Variants in TMEM117 observed in about 807,000 individuals in gnomAD.
The protein encoded by TMEM117 is transmembrane protein 117.
TMEM117 carries 27 observed loss-of-function variants against 52.4 expected under a neutral mutation model. The observed-to-expected ratio is 0.51, with a 90% CI of 0.38 to 0.71. The LOEUF (loss-of-function observed/expected upper bound fraction) is 0.71. TMEM117 is among the 30% of genes least tolerant of loss of function. The probability of loss-of-function intolerance (pLI) is 0.00; values close to 1 mark genes in which losing one functional copy is unlikely to be tolerated. For synonymous variants in TMEM117, 215 were observed against 206.3 expected (o/e 1.04, Z -0.36); for missense variants, 556 against 630.5 (o/e 0.88, Z 1.26).
chr12:44,276,534 TAGGC>T (rs1211422478), intron 5 of TMEM117, among the ~76,000 whole-genome samples: 1 of 152,040 alleles, frequency 6.6e-6, no homozygotes, highest in East Asian at 1.9e-4. Context: ...AAGTTTCAGT[TAGGC>T]AGGAGGAAGA....
At chr12:44,152,353 T>C (rs1948749360) in intron 4 of TMEM117, among the ~76,000 whole-genome samples, 2 of 111,754 alleles carry the variant, frequency 1.8e-5, no homozygotes, top group Admixed American at 2.2e-4. Context: ...AATTTATATA[T>C]TTATATGTAT....
chr12:44,396,010 G>A, the TMEM117 span, among the ~76,000 whole-genome samples: 5 of 152,190 alleles, frequency 3.3e-5, no homozygotes, highest in African/African-American at 1.2e-4. Flanking sequence ...TGGAGCTAGA[G>A]CTGAGCTGAG....
intron 2 of TMEM117, among the ~76,000 whole-genome samples, chr12:43,892,450 G>A (rs73098836): frequency 0.16 from 24,174 of 152,030 alleles, 3,678 homozygotes; most frequent in African/African-American, 0.4. Context: ...AAGCCATATC[G>A]TTTATATAAA....
Position 43,844,728 on chromosome 12 carries a change from A to G in TMEM117, c.77A>G (p.Asn26Ser), listed in dbSNP as rs1043160481. 1.2e-6 allele frequency: 2 copies of G among 1,614,032 alleles called. No individual in the cohort carries two copies. Among genetic ancestry groups the G allele is most frequent in the African/African-American group, 2.7e-5 (2 of 74,908 alleles). Residue 26 changes from asparagine (N) to serine (S), a missense_variant, in exon 2 of 8, where the codon AAC becomes AGC. Physicochemically the swap from Asn to Ser is conservative, Grantham distance 46. Transcript: ENST00000266534. ...MIVAYLVIFF[N>S]FLIFAEDPVS... Reference sequence around the variant, plus strand: ...GTGGCTTACTTGGTGATCTTCTTTAACTTCTTAATATTTGCGGAGGACCCA... The same window carrying G: ...GTGGCTTACTTGGTGATCTTCTTTAGCTTCTTAATATTTGCGGAGGACCCA...
chr12:43,931,090 T>G (rs985864952), intron 2 of TMEM117, among the ~76,000 whole-genome samples: 7 of 152,146 alleles, frequency 4.6e-5, no homozygotes, highest in African/African-American at 1.7e-4. Flanking sequence ...AAAGTATCAC[T>G]CAAAAGGAAC....
chr12:44,125,619 A>C lies in TMEM117; in HGVS notation c.411-17906A>C, dbSNP rs1299040354. 2.0e-5 allele frequency among the ~76,000 whole-genome samples: 3 copies of C among 152,048 alleles called. No individual in the cohort carries two copies. The East Asian group carries it at 5.8e-4, about 29-fold the overall frequency. On this transcript the variant is annotated intron_variant, in intron 3 of 7. Transcript: ENST00000266534. Reference sequence around the variant, plus strand: ...AATCTTCTCTCTTTTCTTTTTTATTAGTCTAGCTAGTGGTCTATCTGTTTT... The same window carrying C: ...AATCTTCTCTCTTTTCTTTTTTATTCGTCTAGCTAGTGGTCTATCTGTTTT...
At chr12:44,340,438 T>C (rs1951401426) in intron 6 of TMEM117, among the ~76,000 whole-genome samples, 1 of 152,142 alleles carries the variant, frequency 6.6e-6, no homozygotes. Context: ...GTGATTTGGC[T>C]ATGCTTTCTA....
At chr12:44,187,285 T>C (rs2138332953) in intron 4 of TMEM117, among the ~76,000 whole-genome samples, 1 of 152,256 alleles carries the variant, frequency 6.6e-6, no homozygotes, top group Non-Finnish European at 1.5e-5. Context: ...TTTTCATCTG[T>C]TTTTTGATCT....
intron 4 of TMEM117, among the ~76,000 whole-genome samples, chr12:44,169,055 G>C (rs545871283): frequency 4.8e-4 from 73 of 152,188 alleles, no homozygotes; most frequent in African/African-American, 1.5e-3. Flanking sequence ...TTTAAGGCTC[G>C]TATTCTATTT....
At position 44,282,263 on chromosome 12, in the gene TMEM117, A is replaced by G. The variant is rs144809935; in HGVS notation, c.609-17317A>G. Among the ~76,000 whole-genome samples, 75 of 152,272 alleles carry G rather than the reference A, an allele frequency of 4.9e-4. 1 individual carries two copies. The East Asian group carries it at 8.7e-3, about 18-fold the overall frequency. ...CAGACTAATACAGTAAATTGGTACC[A>G]TTAGAGTGGGACGTTGCTGAAAAGA... On this transcript the variant is annotated intron_variant, in intron 5 of 7. Coordinates refer to ENST00000266534, the MANE Select transcript of TMEM117 (RefSeq NM_032256.3).
chr12:44,272,129 G>C (rs186568978), intron 5 of TMEM117, among the ~76,000 whole-genome samples: 1 of 152,226 alleles, frequency 6.6e-6, no homozygotes, highest in East Asian at 1.9e-4. Flanking sequence ...TTCACTGTTG[G>C]TGGTATGTAT....
chr12:44,052,661 AG>A (rs1565808666), intron 3 of TMEM117, among the ~76,000 whole-genome samples: 1 of 152,146 alleles, frequency 6.6e-6, no homozygotes, highest in African/African-American at 2.4e-5. Context: ...GCAGCATTTA[AG>A]GCAACAACTG....
chr12:44,097,711 G>C lies in TMEM117; in HGVS notation c.411-45814G>C, dbSNP rs190543639. 1.0e-3 allele frequency among the ~76,000 whole-genome samples: 135 copies of C among 134,626 alleles called. 2 individuals carry two copies. Among genetic ancestry groups the C allele is most frequent in the African/African-American group, 4.2e-3 (128 of 30,290 alleles). 88.3% of individuals were successfully genotyped at this position (134,626 alleles called of 152,430 possible). A position where few individuals can be genotyped will look rare whatever the true frequency, so the allele number is the denominator to read the frequency against. On this transcript the variant is annotated intron_variant, in intron 3 of 7. Transcript: ENST00000266534. The stretch of plus-strand genomic sequence containing the variant: ...AGGGGAACATCACACTCTGTGGACT[G>C]TTGTGGGGTGGGGGGATGGGGGAGG...
intron 6 of TMEM117, among the ~76,000 whole-genome samples, chr12:44,372,879 C>G (rs1951883720): frequency 6.6e-6 from 1 of 152,150 alleles, no homozygotes; most frequent in Non-Finnish European, 1.5e-5. Flanking sequence ...GGCAGATGTT[C>G]ACATCTGCAG....
chr12:43,800,999 G>A, the TMEM117 span, among the ~76,000 whole-genome samples: 1 of 152,006 alleles, frequency 6.6e-6, no homozygotes, highest in Non-Finnish European at 1.5e-5. Flanking sequence ...TGATCCACTC[G>A]CCTCGGCTTC....
intron 5 of TMEM117, among the ~76,000 whole-genome samples, chr12:44,296,441 C>A (rs1033029706): frequency 1.3e-5 from 2 of 152,164 alleles, no homozygotes; most frequent in Non-Finnish European, 2.9e-5. Flanking sequence ...GGCAAGACTG[C>A]CCCTGACTGC....
chr12:43,862,653 G>A (rs572740511), intron 2 of TMEM117, among the ~76,000 whole-genome samples: 1 of 152,328 alleles, frequency 6.6e-6, no homozygotes, highest in South Asian at 2.1e-4. Flanking sequence ...AAAACAGGGA[G>A]CTGTGACAGA....
At chr12:44,280,451 C>A (rs1003434013) in intron 5 of TMEM117, among the ~76,000 whole-genome samples, 5 of 152,140 alleles carry the variant, frequency 3.3e-5, no homozygotes, top group Admixed American at 2.6e-4. Context: ...CTGCAGTATC[C>A]TTTCTACTGT....
At chr12:44,307,653 G>C (rs1441352283) in intron 6 of TMEM117, among the ~76,000 whole-genome samples, 1 of 152,206 alleles carries the variant, frequency 6.6e-6, no homozygotes, top group Non-Finnish European at 1.5e-5. Flanking sequence ...CGGGGAGACA[G>C]AGTGTTCAGG....
Sources: gnomAD v4.1 joint callset for allele counts (sites outside exome capture counted in the v4.1 genomes callset) on GRCh38, gnomAD v4.1.1 for gene constraint, MANE v1.5 for transcripts, NCBI Gene and HGNC (gene_info 2026-07-23, HGNC 2026-07-21) for gene names.